Variants in INPP1 observed in about 807,000 individuals in gnomAD.
INPP1 encodes inositol polyphosphate-1-phosphatase, also known as inositol polyphosphate 1-phosphatase.
INPP1 carries 18 observed loss-of-function variants against 23.0 expected under a neutral mutation model. That is an observed-to-expected ratio of 0.78 (90% CI 0.54 to 1.16). INPP1 has a LOEUF of 1.16. INPP1 is among the 50% of genes most tolerant of loss of function. The pLI is 0.00. For synonymous variants in INPP1, 164 were observed against 176.3 expected (o/e 0.93, Z 0.55); for missense variants, 448 against 482.1 (o/e 0.93, Z 0.66).
intron 2 of INPP1, among the ~76,000 whole-genome samples, chr2:190,351,175 C>A (rs547271406): frequency 5.9e-5 from 9 of 152,288 alleles, no homozygotes; most frequent in Non-Finnish European, 1.3e-4. Flanking sequence ...ACAAGTAAAC[C>A]AATGCATAGA....
At chr2:190,366,644 C>A in intron 4 of INPP1, 51 bp from the exon 5 acceptor site, 1 of 1,272,118 alleles carries the variant, frequency 7.9e-7, no homozygotes, top group Non-Finnish European at 1.1e-6. Flanking sequence ...TCTGTTCTTT[C>A]TCCACTGAAA....
In INPP1 at chr2:190,363,197, G is replaced by A. The variant is rs574676345; in HGVS notation, c.265+510G>A. On this transcript the variant is annotated intron_variant, in intron 4 of 6. Coordinates refer to ENST00000392329, the MANE Select transcript of INPP1 (RefSeq NM_001128928.2). The surrounding 1 kb of genome is among the most constrained non-coding windows in gnomAD (Gnocchi z 4.4). ...TCTCAGAACCTCTGTGAAGTACTTGGATTAACTAAAAGATTCCTTTTAGTA... is the reference window on the plus strand; with the variant it reads ...TCTCAGAACCTCTGTGAAGTACTTGAATTAACTAAAAGATTCCTTTTAGTA... Among the ~76,000 whole-genome samples, 1 of 152,248 alleles carries A rather than the reference G, an allele frequency of 6.6e-6. No individual in the cohort carries two copies. The highest frequency in any genetic ancestry group is 1.9e-4 in the East Asian group (1 of 5,190).
At chr2:190,364,310 C>T (rs1176199815) in intron 4 of INPP1, among the ~76,000 whole-genome samples, 3 of 151,868 alleles carry the variant, frequency 2.0e-5, no homozygotes, top group Admixed American at 1.3e-4. Context: ...GAGGCCAGGG[C>T]GGGTGGATCA....
rs1399281457 is a variant in INPP1, at chr2:190,356,029, G to A, written c.-64-4010G>A. Among the ~76,000 whole-genome samples, 2 of 152,220 alleles carry A rather than the reference G, an allele frequency of 1.3e-5. No homozygotes were observed. Among genetic ancestry groups the A allele is most frequent in the African/African-American group, 2.4e-5 (1 of 41,448 alleles). Reference sequence around the variant, plus strand: ...TGGAAGAATAAATTCTGCATTAGATGTAGCCTTCAGTTTCTCCATAGACAA... The same window carrying A: ...TGGAAGAATAAATTCTGCATTAGATATAGCCTTCAGTTTCTCCATAGACAA... On this transcript the variant is annotated intron_variant, in intron 2 of 6. Coordinates refer to ENST00000392329, the MANE Select transcript of INPP1 (RefSeq NM_001128928.2). The surrounding 1 kb of genome is among the most constrained non-coding windows in gnomAD (Gnocchi z 6.4).
rs1474286614 is a variant in INPP1 at position 190,352,676 on chromosome 2, A to G, written c.-65+3645A>G. The stretch of plus-strand genomic sequence containing the variant: ...CTACTCCCCAAGGCAGCCCTTGAGT[A>G]TGGAGCAAAGGAGAGGTGGGACGAA... On this transcript the variant is annotated intron_variant, in intron 2 of 6. Transcript: ENST00000392329. The surrounding 1 kb of genome is among the most constrained non-coding windows in gnomAD (Gnocchi z 4.7). Among the ~76,000 whole-genome samples the G allele has an allele frequency of 6.6e-6, 1 of 152,146 alleles. No individual in the cohort carries two copies. The highest frequency in any genetic ancestry group is 1.5e-5 in the Non-Finnish European group (1 of 68,034).
In INPP1 at chr2:190,343,941, C is replaced by G. The variant is rs934500576; in HGVS notation, c.-229C>G. On this transcript the variant is annotated 5_prime_UTR_variant, in exon 1 of 7. Coordinates refer to ENST00000392329, the MANE Select transcript of INPP1 (RefSeq NM_001128928.2). ...GAGGGAAAGGCTGCTGCCTCCTGCT[C>G]TGTCCTCATCCCCGGCTTAGGTAAC... 2 of 222,528 alleles carry G rather than the reference C, an allele frequency of 9.0e-6. No homozygotes were observed. The highest frequency in any genetic ancestry group is 2.0e-5 in the Non-Finnish European group (2 of 100,902). The allele number at this position is 222,528 out of a possible 1,614,324, so 13.8% of individuals were successfully genotyped here.
rs1185198549 is a variant in INPP1, at chr2:190,356,723, C to T, written c.-64-3316C>T. ...TTTTAAGAAAAAAAATTGATTTTAA[C>T]ACTTGAATAAAAGAAACACTGCTGA... On this transcript the variant is annotated intron_variant, in intron 2 of 6. Coordinates refer to ENST00000392329, the MANE Select transcript of INPP1 (RefSeq NM_001128928.2). This position sits in a 1 kb window ranked among gnomAD's most constrained non-coding sequence, Gnocchi z 6.4. 1.3e-5 allele frequency: 2 copies of T among 152,082 alleles called. No individual in the cohort carries two copies. Among genetic ancestry groups the T allele is most frequent in the Non-Finnish European group, 2.9e-5 (2 of 68,010 alleles). 9.4% of individuals were successfully genotyped at this position (152,082 alleles called of 1,614,324 possible). A position where few individuals can be genotyped will look rare whatever the true frequency, so the allele number is the denominator to read the frequency against.
In INPP1 at chr2:190,352,161, C is replaced by A. The variant is rs895474728; in HGVS notation, c.-65+3130C>A. Among the ~76,000 whole-genome samples, 16 of 152,102 alleles carry A rather than the reference C, an allele frequency of 1.1e-4. No homozygotes were observed. The highest frequency in any genetic ancestry group is 3.9e-4 in the African/African-American group (16 of 41,388). ...AACTGATTCTGAGAAGGTGAGTGAG[C>A]ATTAGGTCGAGAAAGCAGGAAGAAG... On this transcript the variant is annotated intron_variant, in intron 2 of 6. Transcript: ENST00000392329. The surrounding 1 kb of genome is among the most constrained non-coding windows in gnomAD (Gnocchi z 4.7).
intron 2 of INPP1, among the ~76,000 whole-genome samples, chr2:190,351,646 T>C (rs1176490211): frequency 6.6e-6 from 1 of 152,262 alleles, no homozygotes; most frequent in Non-Finnish European, 1.5e-5. Context: ...ATTGTCGCAA[T>C]TCATTCATTT....
At chr2:190,366,381 CTT>C (rs1689671549) in intron 4 of INPP1, among the ~76,000 whole-genome samples, 1 of 150,910 alleles carries the variant, frequency 6.6e-6, no homozygotes, top group South Asian at 2.1e-4. Context: ...TGCTCTGTCT[CTT>C]TCACTCTCCC....
chr2:190,350,208 T>G (rs1689299258), intron 2 of INPP1, among the ~76,000 whole-genome samples: 1 of 152,246 alleles, frequency 6.6e-6, no homozygotes, highest in Admixed American at 6.5e-5. Context: ...CTGAGAAGTA[T>G]CCGAAATTCA....
intron 6 of INPP1, among the ~76,000 whole-genome samples, chr2:190,370,419 A>G (rs1046033803): frequency 6.6e-6 from 1 of 152,244 alleles, no homozygotes; most frequent in Non-Finnish European, 1.5e-5. Flanking sequence ...AAGAGAATGA[A>G]AAGGAGTTAC....
At position 190,352,968 on chromosome 2, in the gene INPP1, G is replaced by C. The variant is rs1256046516; in HGVS notation, c.-65+3937G>C. Among the ~76,000 whole-genome samples, 1 of 152,214 alleles carries C rather than the reference G, an allele frequency of 6.6e-6. No individual in the cohort carries two copies. The highest frequency in any genetic ancestry group is 1.9e-4 in the East Asian group (1 of 5,198). On this transcript the variant is annotated intron_variant, in intron 2 of 6. Coordinates refer to ENST00000392329, the MANE Select transcript of INPP1 (RefSeq NM_001128928.2). This position sits in a 1 kb window ranked among gnomAD's most constrained non-coding sequence, Gnocchi z 4.7. ...AGAATTCAGGATGTGAACCGTGGGG[G>C]TGGGGTGGAGTCAATGCGCAATGGG...
chr2:190,366,033 C>A (rs1689648823), intron 4 of INPP1, among the ~76,000 whole-genome samples: 1 of 120,714 alleles, frequency 8.3e-6, no homozygotes, highest in African/African-American at 3.4e-5. Flanking sequence ...CTCGCTCGCT[C>A]TCTGTCTCAC....
intron 4 of INPP1, among the ~76,000 whole-genome samples, chr2:190,366,434 ACTCTGTCTCACTCTCTCTGTCTTG>A (rs1432748357): frequency 4.2e-5 from 4 of 96,162 alleles, no homozygotes; most frequent in Non-Finnish European, 8.7e-5. Flanking sequence ...ACTCTGTCTC[ACTCTGTCTCACTCTCTCTGTCTTG>A]CTCTCTCTGT....
intron 2 of INPP1, among the ~76,000 whole-genome samples, chr2:190,353,869 A>G (rs1689368520): frequency 6.6e-6 from 1 of 152,190 alleles, no homozygotes; most frequent in Non-Finnish European, 1.5e-5. Context: ...TTTGAGATTT[A>G]TCTTTGTGGA....
intron 3 of INPP1, among the ~76,000 whole-genome samples, chr2:190,361,924 AT>A (rs1324883758): frequency 2.0e-5 from 3 of 152,242 alleles, no homozygotes; most frequent in African/African-American, 7.2e-5. Context: ...GTGTATCAAA[AT>A]TTAGGACATA....
In INPP1 at chr2:190,364,458, C is replaced by T. The variant is rs181233099; in HGVS notation, c.265+1771C>T. ...TCAGGAGGCTGAGGCAGGAGAATGG[C>T]GTGAACCCGGGAGGCGGAGCTTGCA... On this transcript the variant is annotated intron_variant, in intron 4 of 6. Transcript: ENST00000392329. Among the ~76,000 whole-genome samples, 182 of 151,426 alleles carry T rather than the reference C, an allele frequency of 1.2e-3. 4 individuals carry two copies. The East Asian group carries it at 0.029, about 24-fold the overall frequency.
In INPP1 at chr2:190,354,477, G is replaced by A. The variant is rs760923336; in HGVS notation, c.-65+5446G>A. On this transcript the variant is annotated intron_variant, in intron 2 of 6. Coordinates refer to ENST00000392329, the MANE Select transcript of INPP1 (RefSeq NM_001128928.2). The surrounding 1 kb of genome is among the most constrained non-coding windows in gnomAD (Gnocchi z 4.8). ...TTAAAGTTTATGTGAGGTCATACAGGCGGATCCTTATCCAGTCTGACTGGC... is the reference window on the plus strand; with the variant it reads ...TTAAAGTTTATGTGAGGTCATACAGACGGATCCTTATCCAGTCTGACTGGC... Among the ~76,000 whole-genome samples, 1 of 152,186 alleles carries A rather than the reference G, an allele frequency of 6.6e-6. No homozygotes were observed. Among genetic ancestry groups the A allele is most frequent in the Non-Finnish European group, 1.5e-5 (1 of 68,044 alleles).
Sources: gnomAD v4.1 joint callset for allele counts (sites outside exome capture counted in the v4.1 genomes callset) on GRCh38, gnomAD v4.1.1 for gene constraint, Gnocchi (gnomAD v3.1) non-coding constraint, MANE v1.5 for transcripts, NCBI Gene and HGNC (gene_info 2026-07-23, HGNC 2026-07-21) for gene names.